FAM3D: variants seen among roughly 807,000 people sequenced by gnomAD.
The protein encoded by FAM3D is protein FAM3D.
FAM3D carries 26 observed loss-of-function variants against 29.8 expected under a neutral mutation model. The ratio of observed to expected loss-of-function variants is 0.87; its 90% CI spans 0.64 to 1.21. The LOEUF is 1.21. Ranked by LOEUF, FAM3D falls within the 50% of genes most tolerant of loss-of-function variation. The pLI is 0.00. For synonymous variants in FAM3D, 115 were observed against 102.3 expected (o/e 1.12, Z -0.75); for missense variants, 253 against 290.9 (o/e 0.87, Z 0.95).
At chr3:58,643,800 G>A (rs1038139797) in intron 5 of FAM3D, 80 bp from the exon 6 acceptor site, 20 of 1,304,646 alleles carry the variant, frequency 1.5e-5, no homozygotes, top group Middle Eastern at 1.9e-4. Flanking sequence ...GGGGAACTCC[G>A]TGAGGACCCA....
intron 1 of FAM3D, among the ~76,000 whole-genome samples, chr3:58,664,087 T>C (rs62251968): frequency 0.8 from 121,052 of 151,674 alleles, 49,675 homozygotes; most frequent in Non-Finnish European, 0.9. Context: ...GCCATAAAGC[T>C]TCTCTCTACC....
chr3:58,664,014 G>T (rs138809423), intron 1 of FAM3D, among the ~76,000 whole-genome samples: 1 of 152,344 alleles, frequency 6.6e-6, no homozygotes, highest in Non-Finnish European at 1.5e-5. Context: ...TGCGATGTGT[G>T]TGCATGTCGG....
chr3:58,665,431 C>T (rs147948974), intron 1 of FAM3D, among the ~76,000 whole-genome samples: 1 of 152,282 alleles, frequency 6.6e-6, no homozygotes, highest in East Asian at 1.9e-4. Context: ...GAGAAGTCTG[C>T]CCTGACTCCC....
intron 7 of FAM3D, among the ~76,000 whole-genome samples, chr3:58,639,123 T>C (rs963504332): frequency 2.6e-5 from 4 of 152,240 alleles, no homozygotes; most frequent in Non-Finnish European, 4.4e-5. Context: ...GTTTCATCTT[T>C]ACGCTTTTTT....
At chr3:58,665,739 T>G (rs1335155544) in intron 1 of FAM3D, among the ~76,000 whole-genome samples, 2 of 152,332 alleles carry the variant, frequency 1.3e-5, no homozygotes, top group East Asian at 3.9e-4. Context: ...CTCACTGCCT[T>G]GGCTCTCCGT....
chr3:58,634,153 G>A lies in FAM3D; in HGVS notation c.*126C>T, dbSNP rs555274427. ...GAGGAGGAGAGGCGCGACACAGCGT[G>A]CAAGGACCTGCAGCACCTTCCACGC... On this transcript the variant is annotated 3_prime_UTR_variant, in exon 10 of 10. Transcript: ENST00000358781. The surrounding 1 kb of genome is among the most constrained non-coding windows in gnomAD (Gnocchi z 4.6). The A allele has an allele frequency of 1.7e-4, 131 of 779,462 alleles. 2 individuals are homozygous for A. In the East Asian group the frequency reaches 3.2e-3, roughly 19 times the overall value. 48.3% of individuals were successfully genotyped at this position (779,462 alleles called of 1,614,324 possible).
rs1030108918 is a variant in FAM3D at position 58,634,895 on chromosome 3, G to T, written c.586-527C>A. 1.8e-4 allele frequency among the ~76,000 whole-genome samples: 27 copies of T among 152,166 alleles called. No homozygotes were observed. The highest frequency in any genetic ancestry group is 7.2e-4 in the Admixed American group (11 of 15,272). On this transcript the variant is annotated intron_variant, in intron 9 of 9. Coordinates refer to ENST00000358781, the MANE Select transcript of FAM3D (RefSeq NM_138805.3). The surrounding 1 kb of genome is among the most constrained non-coding windows in gnomAD (Gnocchi z 4.6). ...TATTAATTAATACTAATAATAAGGGGTGGGGTGCAGTGGCTCACACCTATC... is the reference window on the plus strand; with the variant it reads ...TATTAATTAATACTAATAATAAGGGTTGGGGTGCAGTGGCTCACACCTATC...
chr3:58,653,837 A>G, intron 2 of FAM3D, 56 bp from the exon 3 acceptor site: 1 of 1,361,006 alleles, frequency 7.3e-7, no homozygotes, highest in East Asian at 2.3e-5. Flanking sequence ...ACATTGCAAG[A>G]CCACGTGTGA....
At chr3:58,640,543 C>T (rs915512377) in intron 6 of FAM3D, among the ~76,000 whole-genome samples, 1 of 152,220 alleles carries the variant, frequency 6.6e-6, no homozygotes, top group Non-Finnish European at 1.5e-5. Context: ...AGTAGTCATA[C>T]AAGATGAATT....
chr3:58,637,884 T>TATTATTATC (rs545695090), intron 7 of FAM3D, among the ~76,000 whole-genome samples: 128 of 150,554 alleles, frequency 8.5e-4, no homozygotes, highest in African/African-American at 2.8e-3. Context: ...TTGTGATTAT[T>TATTATTATC]ATTATTATTA....
intron 5 of FAM3D, among the ~76,000 whole-genome samples, chr3:58,645,021 C>T (rs2066436003): frequency 1.3e-5 from 2 of 152,230 alleles, no homozygotes; most frequent in Non-Finnish European, 2.9e-5. Flanking sequence ...GTCCCAGGGC[C>T]TTTACTGTCT....
chr3:58,664,872 C>G (rs746533183), intron 1 of FAM3D, among the ~76,000 whole-genome samples: 4 of 152,172 alleles, frequency 2.6e-5, no homozygotes, highest in Non-Finnish European at 4.4e-5. Context: ...GGCTGCCAGT[C>G]CCCCAGGCAG....
At chr3:58,641,406 G>A (rs2066330731) in intron 6 of FAM3D, among the ~76,000 whole-genome samples, 1 of 151,888 alleles carries the variant, frequency 6.6e-6, no homozygotes. Context: ...TGCAGTCCAG[G>A]CTGGAGTGCA....
At chr3:58,643,120 C>T (rs2066379962) in intron 6 of FAM3D, among the ~76,000 whole-genome samples, 1 of 152,248 alleles carries the variant, frequency 6.6e-6, no homozygotes, top group South Asian at 2.1e-4. Context: ...TCCCAGCTCC[C>T]ATAGCTGTGC....
chr3:58,645,241 C>T (rs2066441857), intron 5 of FAM3D, among the ~76,000 whole-genome samples: 1 of 152,178 alleles, frequency 6.6e-6, no homozygotes, highest in African/African-American at 2.4e-5. Context: ...CCCCACTATC[C>T]TCATCTTTAC....
At chr3:58,638,498 C>T (rs752060408) in intron 7 of FAM3D, among the ~76,000 whole-genome samples, 4 of 152,112 alleles carry the variant, frequency 2.6e-5, no homozygotes, top group Non-Finnish European at 4.4e-5. Context: ...ATACAGTAAG[C>T]GTACTCTAAT....
intron 3 of FAM3D, 24 bp downstream of exon 3, chr3:58,653,649 GC>G (rs1167042573): frequency 4.4e-6 from 7 of 1,603,266 alleles, no homozygotes; most frequent in Non-Finnish European, 6.0e-6. Flanking sequence ...TGCAGTTCCT[GC>G]CCCCAGCAGT....
chr3:58,639,240 C>G (rs2066260694), intron 7 of FAM3D, among the ~76,000 whole-genome samples: 1 of 152,162 alleles, frequency 6.6e-6, no homozygotes, highest in Non-Finnish European at 1.5e-5. Flanking sequence ...ACTAACATAG[C>G]TTGCCTGGAC....
At chr3:58,638,116 T>C (rs752766917) in intron 7 of FAM3D, among the ~76,000 whole-genome samples, 1 of 152,148 alleles carries the variant, frequency 6.6e-6, no homozygotes, top group Non-Finnish European at 1.5e-5. Context: ...ACTCCCAACC[T>C]CAGGTGATCT....
Sources: allele counts gnomAD v4.1 joint callset (sites outside exome capture counted in the v4.1 genomes callset), GRCh38; gene constraint gnomAD v4.1.1; non-coding constraint Gnocchi (gnomAD v3.1); transcripts MANE v1.5; gene names NCBI Gene and HGNC (gene_info 2026-07-23, HGNC 2026-07-21).